Variants in KMT2B observed in about 807,000 individuals in gnomAD.
KMT2B encodes lysine methyltransferase 2B.
Under a neutral mutation model 255.3 loss-of-function variants are expected in KMT2B, and 22 were observed. That is an observed-to-expected ratio of 0.09 (90% CI 0.06 to 0.12). The LOEUF (loss-of-function observed/expected upper bound fraction) is 0.12. Ranked by LOEUF, KMT2B falls within the 10% of genes least tolerant of loss-of-function variation. The pLI, the probability that KMT2B is intolerant of heterozygous loss-of-function variation, is 1.00. For synonymous variants in KMT2B, 1,730 were observed against 1,498.1 expected (o/e 1.15, Z -3.57); for missense variants, 3,149 against 3,737.0 (o/e 0.84, Z 4.10).
intron 14 of KMT2B, among the ~76,000 whole-genome samples, 167 bp from the exon 15 acceptor site, chr19:35,726,983 CAAAAAA>C (rs34515466): frequency 4.8e-5 from 3 of 62,860 alleles, no homozygotes; most frequent in Non-Finnish European, 6.7e-5. Flanking sequence ...GACACTGTCT[CAAAAAA>C]AAAAAAAAAA....
At position 35,718,395 on chromosome 19, in the gene KMT2B, A is replaced by G; in HGVS notation, c.363+14A>G. On this transcript the variant is annotated intron_variant, in intron 1 of 36. Coordinates refer to ENST00000420124, the MANE Select transcript of KMT2B (RefSeq NM_014727.3). This position sits in a 1 kb window ranked among gnomAD's most constrained non-coding sequence, Gnocchi z 5.0. ...TCCGACGAGGAGGTGAGGCGGTTGG[A>G]GGCGTCCCCGGCGCCGGGTGGGGCG... 2 of 1,257,306 alleles carry G rather than the reference A, an allele frequency of 1.6e-6. No individual in the cohort carries two copies. The highest frequency in any genetic ancestry group is 2.0e-6 in the Non-Finnish European group (2 of 993,188). 77.9% of individuals were successfully genotyped at this position (1,257,306 alleles called of 1,614,324 possible). A position where few individuals can be genotyped will look rare whatever the true frequency, so the allele number is the denominator to read the frequency against.
rs1969497199 is a variant in KMT2B at position 35,727,322 on chromosome 19, C to A, written c.4117+53C>A. On this transcript the variant is annotated intron_variant, in intron 15 of 36. Coordinates refer to ENST00000420124, the MANE Select transcript of KMT2B (RefSeq NM_014727.3). The surrounding 1 kb of genome is among the most constrained non-coding windows in gnomAD (Gnocchi z 4.2). ...GCCTCAACCCTGTGGGGACCCCTGCCCCCACCACAGGCCCCAAGAGGACTG... is the reference window on the plus strand; with the variant it reads ...GCCTCAACCCTGTGGGGACCCCTGCACCCACCACAGGCCCCAAGAGGACTG... The A allele has an allele frequency of 6.4e-7, 1 of 1,573,722 alleles. No individual in the cohort carries two copies. Among genetic ancestry groups the A allele is most frequent in the Non-Finnish European group, 8.7e-7 (1 of 1,144,222 alleles).
Position 35,721,191 on chromosome 19 carries a change from C to T in KMT2B, c.1844C>T (p.Thr615Ile). ...REPTFRWTSL[T>I]RELPPPPPAP... ...CCCACATTTCGCTGGACCTCACTGACCCGGGAGCTGCCCCCTCCTCCCCCA... is the reference window on the plus strand; with the variant it reads ...CCCACATTTCGCTGGACCTCACTGATCCGGGAGCTGCCCCCTCCTCCCCCA... The change falls in exon 3 of 37, where the codon ACC (threonine) becomes ATC (isoleucine). Residue 615 changes from threonine (T) to isoleucine (I), a missense_variant. Transcript: ENST00000420124. 1.9e-6 allele frequency: 3 copies of T among 1,548,170 alleles called. No homozygotes were observed. Among genetic ancestry groups the T allele is most frequent in the Non-Finnish European group, 2.6e-6 (3 of 1,146,880 alleles).
chr19:35,731,031 C>T (rs1176001409), intron 26 of KMT2B, among the ~76,000 whole-genome samples, 164 bp downstream of exon 26: 1 of 152,258 alleles, frequency 6.6e-6, no homozygotes, highest in Non-Finnish European at 1.5e-5. Context: ...GTGCCAGGGG[C>T]TGTGCCCGGC....
At chr19:35,730,160 CCA>C (rs1435358965) in intron 23 of KMT2B, 35 bp downstream of exon 23, 45 of 1,612,260 alleles carry the variant, frequency 2.8e-5, no homozygotes, top group Non-Finnish European at 3.7e-5. Flanking sequence ...GGTTCCTTCC[CCA>C]CCTCTCTTCC....
Position 35,728,869 on chromosome 19 carries a change from C to G in KMT2B, c.4667C>G (p.Pro1556Arg). 6.2e-7 allele frequency: 1 copy of G among 1,613,926 alleles called. No individual in the cohort carries two copies. Among genetic ancestry groups the G allele is most frequent in the Non-Finnish European group, 8.5e-7 (1 of 1,179,830 alleles). The change falls in exon 20 of 37, where the codon CCT becomes CGT. Residue 1556 changes from proline (P) to arginine (R), a missense_variant. Pro to Arg is a moderately radical substitution (Grantham distance 103). Around this residue, in one of 18 missense-constraint regions of KMT2B, gnomAD observed 377 missense variants for 471.0 expected, o/e 0.80. Transcript: ENST00000420124. ...QEPETPESGQPPGDPSAAFQG... is the reference protein window; with the variant it reads ...QEPETPESGQRPGDPSAAFQG... ...CCAGAGACCCCAGAATCAGGGCAGCCTCCAGGGGATCCCTCAGCAGGTACT... is the reference window on the plus strand; with the variant it reads ...CCAGAGACCCCAGAATCAGGGCAGCGTCCAGGGGATCCCTCAGCAGGTACT...
chr19:35,729,905 A>C, intron 22 of KMT2B, 62 bp from the exon 23 acceptor site: 1 of 1,515,928 alleles, frequency 6.6e-7, no homozygotes, highest in South Asian at 1.2e-5. Flanking sequence ...ACTCAGTGAC[A>C]GTGGTGCCTG....
chr19:35,730,523 C>T lies in KMT2B; in HGVS notation c.5198-15C>T, dbSNP rs769450854. The T allele has an allele frequency of 2.7e-5, 43 of 1,613,938 alleles. No homozygotes were observed. The highest frequency in any genetic ancestry group is 3.1e-5 in the Non-Finnish European group (36 of 1,179,904). On this transcript the variant is annotated splice_polypyrimidine_tract_variant and intron_variant, in intron 24 of 36. Coordinates refer to ENST00000420124, the MANE Select transcript of KMT2B (RefSeq NM_014727.3). The stretch of plus-strand genomic sequence containing the variant: ...TGTCCTGCCTGCCTCTCCTGACCTC[C>T]GCTTTGCACCACAGGTTCCATCCGC...
chr19:35,720,559 G>T lies in KMT2B; in HGVS notation c.1212G>T (p.Pro404=). The T allele has an allele frequency of 1.3e-6, 2 of 1,545,238 alleles. No individual in the cohort carries two copies. The highest frequency in any genetic ancestry group is 2.4e-5 in the South Asian group (2 of 83,420). ...AEKEEAKLPP[P]PLTPPAPSPP... ...AGGAAGAGGCAAAGCTGCCACCACC[G>T]CCTCTGACTCCTCCAGCCCCTTCAC... Residue 404 remains proline (P), a synonymous_variant, in exon 3 of 37, where the codon CCG becomes CCT. Coordinates refer to ENST00000420124, the MANE Select transcript of KMT2B (RefSeq NM_014727.3).
At position 35,721,591 on chromosome 19, in the gene KMT2B, C is replaced by T. The variant is rs754917338; in HGVS notation, c.2244C>T (p.Leu748=). The T allele has an allele frequency of 6.2e-7, 1 of 1,612,562 alleles. No homozygotes were observed. The highest frequency in any genetic ancestry group is 2.2e-5 in the East Asian group (1 of 44,858). ...CCCTGCAGGCCTTGCAAACCCAGCT[C>T]CTGCCCCAGGCACTACCGCCACCAC... The part of the protein sequence containing the change: ...LQPLQALQTQ[L]LPQALPPPQP... The change falls in exon 3 of 37, where the codon CTC becomes CTT. Residue 748 remains leucine (L), a synonymous_variant. Coordinates refer to ENST00000420124, the MANE Select transcript of KMT2B (RefSeq NM_014727.3).
In KMT2B at chr19:35,718,868, G is replaced by A. The variant is rs557611224; in HGVS notation, c.363+487G>A. Among the ~76,000 whole-genome samples the A allele has an allele frequency of 2.2e-4, 33 of 152,286 alleles. No individual in the cohort carries two copies. Among genetic ancestry groups the A allele is most frequent in the African/African-American group, 7.7e-4 (32 of 41,562 alleles). On this transcript the variant is annotated intron_variant, in intron 1 of 36. Coordinates refer to ENST00000420124, the MANE Select transcript of KMT2B (RefSeq NM_014727.3). The surrounding 1 kb of genome is among the most constrained non-coding windows in gnomAD (Gnocchi z 5.0). ...GGTGGAGGGCTTCCTCTTGGGGCTC[G>A]GGTTGAACAGGAGTGGGATGAAGGC...
In KMT2B at chr19:35,732,639, C is replaced by T. The variant is rs1969751775; in HGVS notation, c.6090C>T (p.Pro2030=). ...PGDSSEEESS[P]TSRYIHFPVT... ...ACAGCTCCGAGGAGGAGTCCAGCCC[C>T]ACCTCCCGCTACATCCACTTCCCTG... The change falls in exon 28 of 37, where the codon CCC becomes CCT. Residue 2030 remains proline (P), a synonymous_variant. Coordinates refer to ENST00000420124, the MANE Select transcript of KMT2B (RefSeq NM_014727.3). The T allele has an allele frequency of 1.9e-6, 3 of 1,610,842 alleles. No individual in the cohort carries two copies. The highest frequency in any genetic ancestry group is 2.5e-6 in the Non-Finnish European group (3 of 1,178,716).
Position 35,727,990 on chromosome 19 carries a change from G to A in KMT2B, c.4497+5G>A. 5 of 1,556,106 alleles carry A rather than the reference G, an allele frequency of 3.2e-6. No homozygotes were observed. Among genetic ancestry groups the A allele is most frequent in the Non-Finnish European group, 4.4e-6 (5 of 1,147,986 alleles). On this transcript the variant is annotated splice_donor_5th_base_variant and intron_variant, in intron 18 of 36. Transcript: ENST00000420124. This position sits in a 1 kb window ranked among gnomAD's most constrained non-coding sequence, Gnocchi z 4.2. ...ATGAAGGGGCTCCTGCTGAAGGTGA[G>A]CTCTTCCGGGGATGCTTGTGGGGTG...
At position 35,718,158 on chromosome 19, in the gene KMT2B, T is replaced by C; in HGVS notation, c.140T>C (p.Leu47Pro). ...GGGGCCGAAAGAGTGCGGGTAGCTCTGCGGCGCGGCGGTGGCGCGACGGGG... is the reference window on the plus strand; with the variant it reads ...GGGGCCGAAAGAGTGCGGGTAGCTCCGCGGCGCGGCGGTGGCGCGACGGGG... ...GNGAERVRVA[L>P]RRGGGATGPG... The change falls in exon 1 of 37, where the codon CTG becomes CCG. Residue 47 changes from leucine to proline, a missense_variant. Leu to Pro is a moderately conservative substitution (Grantham distance 98). Coordinates refer to ENST00000420124, the MANE Select transcript of KMT2B (RefSeq NM_014727.3). This position sits in a 1 kb window ranked among gnomAD's most constrained non-coding sequence, Gnocchi z 5.0. The C allele has an allele frequency of 9.4e-7, 1 of 1,068,598 alleles. No individual in the cohort carries two copies. Among genetic ancestry groups the C allele is most frequent in the Non-Finnish European group, 1.1e-6 (1 of 885,454 alleles). The allele number at this position is 1,068,598 out of a possible 1,614,324, so 66.2% of individuals were successfully genotyped here. A position where few individuals can be genotyped will look rare whatever the true frequency, so the allele number is the denominator to read the frequency against.
At chr19:35,722,525 C>T (rs772043811) in intron 4 of KMT2B, 43 bp from the exon 5 acceptor site, 21 of 1,591,002 alleles carry the variant, frequency 1.3e-5, no homozygotes, top group South Asian at 3.4e-5. Context: ...AGTGGGGCTG[C>T]GGGAGCGCAA....
Position 35,721,769 on chromosome 19 carries a change from C to G in KMT2B, c.2422C>G (p.Gln808Glu). The G allele has an allele frequency of 1.3e-6, 2 of 1,586,368 alleles. No individual in the cohort carries two copies. Among genetic ancestry groups the G allele is most frequent in the Non-Finnish European group, 1.7e-6 (2 of 1,163,856 alleles). ...CAAAGTGCAGCTATTCAAGATCGAT[C>G]AGCAGCAGCAGCAGAAGGTGGCAGC... ...RAKVQLFKIDQQQQQKVAASM... is the reference protein window; with the variant it reads ...RAKVQLFKIDEQQQQKVAASM... Residue 808 changes from glutamine to glutamate, a missense_variant, in exon 3 of 37, where the codon CAG (glutamine) becomes GAG (glutamate). Transcript: ENST00000420124.
chr19:35,736,225 T>A (rs1196036199), intron 30 of KMT2B: 2 of 163,426 alleles, frequency 1.2e-5, no homozygotes, highest in East Asian at 3.5e-4. Flanking sequence ...CATTCCAGCC[T>A]GGGAGACAGA....
rs1030788104 is a variant in KMT2B at position 35,723,583 on chromosome 19, C to T, written c.3058+81C>T. The T allele has an allele frequency of 2.9e-6, 4 of 1,378,282 alleles. No individual in the cohort carries two copies. The highest frequency in any genetic ancestry group is 1.4e-5 in the African/African-American group (1 of 69,102). The allele number at this position is 1,378,282 out of a possible 1,614,324, so 85.4% of individuals were successfully genotyped here. A position where few individuals can be genotyped will look rare whatever the true frequency, so the allele number is the denominator to read the frequency against. On this transcript the variant is annotated intron_variant, in intron 7 of 36. Transcript: ENST00000420124. The surrounding 1 kb of genome is among the most constrained non-coding windows in gnomAD (Gnocchi z 7.5). ...GAGGGAGCTGTTTTTCTTTGCTCTCCTCCCTTGCAGCTCACCCTCTCCATC... is the reference window on the plus strand; with the variant it reads ...GAGGGAGCTGTTTTTCTTTGCTCTCTTCCCTTGCAGCTCACCCTCTCCATC...
In KMT2B at chr19:35,733,140, G is replaced by T; in HGVS notation, c.6591G>T (p.Leu2197=). ...ATSKIILVNK[L]GQVFVKMAGE... is the part of the protein sequence containing the mutation. Reference sequence around the variant, plus strand: ...CCAAAATCATACTTGTCAACAAGCTGGGGCAAGTATTTGTGAAGATGGCTG... The same window carrying T: ...CCAAAATCATACTTGTCAACAAGCTTGGGCAAGTATTTGTGAAGATGGCTG... The change falls in exon 28 of 37, where the codon CTG becomes CTT. Residue 2197 remains leucine (L), a synonymous_variant. Coordinates refer to ENST00000420124, the MANE Select transcript of KMT2B (RefSeq NM_014727.3). This position sits in a 1 kb window ranked among gnomAD's most constrained non-coding sequence, Gnocchi z 4.3. 1 of 1,586,402 alleles carries T rather than the reference G, an allele frequency of 6.3e-7. No homozygotes were observed. Among genetic ancestry groups the T allele is most frequent in the East Asian group, 2.3e-5 (1 of 43,290 alleles).
Sources: allele counts gnomAD v4.1 joint callset (sites outside exome capture counted in the v4.1 genomes callset), GRCh38; gene constraint gnomAD v4.1.1; regional missense constraint gnomAD v4.1.1; non-coding constraint Gnocchi (gnomAD v3.1); transcripts MANE v1.5; gene names NCBI Gene and HGNC (gene_info 2026-07-23, HGNC 2026-07-21).